Variants in WWOX observed in about 807,000 individuals in gnomAD.
WWOX encodes the protein WW domain containing oxidoreductase.
WWOX carries 69 observed loss-of-function variants against 46.2 expected under a neutral mutation model. That is an observed-to-expected ratio of 1.49 (90% CI 1.23 to 1.82). The LOEUF is 1.82. Among genes scored for constraint, WWOX ranks in the 40% most tolerant of loss-of-function variants. WWOX has a pLI of 0.00. For synonymous variants in WWOX, 359 were observed against 202.6 expected (o/e 1.77, Z -6.56); for missense variants, 919 against 542.6 (o/e 1.69, Z -6.89).
intron 8 of WWOX, among the ~76,000 whole-genome samples, chr16:79,132,325 T>C (rs2049896674): frequency 6.6e-6 from 1 of 152,244 alleles, no homozygotes; most frequent in Non-Finnish European, 1.5e-5. Context: ...GGCAAGATTT[T>C]GTTAGGTCCC....
chr16:79,127,126 A>AT (rs2049775218), intron 8 of WWOX, among the ~76,000 whole-genome samples: 1 of 152,176 alleles, frequency 6.6e-6, no homozygotes, highest in East Asian at 1.9e-4. Context: ...AAAGTAGAAG[A>AT]TAAAAACAAG....
intron 8 of WWOX, among the ~76,000 whole-genome samples, chr16:79,142,720 A>G (rs1022860134): frequency 1.4e-4 from 22 of 152,258 alleles, no homozygotes; most frequent in Non-Finnish European, 1.8e-4. Context: ...TCTTTTTGAG[A>G]TAGGGTCTCA....
At chr16:79,025,724 T>A (rs1275878239) in intron 8 of WWOX, among the ~76,000 whole-genome samples, 2 of 151,930 alleles carry the variant, frequency 1.3e-5, no homozygotes, top group South Asian at 2.1e-4. Context: ...CTTTAATGAT[T>A]TTCTCCATGG....
intron 8 of WWOX, among the ~76,000 whole-genome samples, chr16:78,779,438 C>G (rs140924574): frequency 1.2e-3 from 182 of 152,250 alleles, no homozygotes; most frequent in South Asian, 3.5e-3. Flanking sequence ...GTCCGGCCCC[C>G]CTTTCTTCTT....
intron 8 of WWOX, among the ~76,000 whole-genome samples, chr16:79,024,275 T>C (rs1597292117): frequency 6.6e-6 from 1 of 152,292 alleles, no homozygotes; most frequent in African/African-American, 2.4e-5. Context: ...TTTATTCTTT[T>C]AGGGACAGGG....
chr16:78,392,883 T>G (rs2082206513), intron 6 of WWOX, among the ~76,000 whole-genome samples: 1 of 152,168 alleles, frequency 6.6e-6, no homozygotes, highest in African/African-American at 2.4e-5. Context: ...ATTCATTGAT[T>G]CTGTTATTCT....
intron 5 of WWOX, among the ~76,000 whole-genome samples, chr16:78,373,585 G>C (rs1393031461): frequency 6.6e-6 from 1 of 151,870 alleles, no homozygotes; most frequent in African/African-American, 2.4e-5. Flanking sequence ...GTATTCTGAG[G>C]GACAGCTAGT....
At chr16:78,835,402 C>T (rs73577487) in intron 8 of WWOX, among the ~76,000 whole-genome samples, 1 of 152,128 alleles carries the variant, frequency 6.6e-6, no homozygotes, top group East Asian at 1.9e-4. Flanking sequence ...GGGCCAGCAA[C>T]AAAAATGACT....
chr16:78,654,959 T>C (rs2047048729), intron 8 of WWOX, among the ~76,000 whole-genome samples: 1 of 152,172 alleles, frequency 6.6e-6, no homozygotes. Flanking sequence ...TGATCATCTA[T>C]GTGACCACAT....
intron 8 of WWOX, among the ~76,000 whole-genome samples, chr16:78,928,047 T>C (rs557350674): frequency 6.6e-6 from 1 of 151,946 alleles, no homozygotes; most frequent in African/African-American, 2.4e-5. Context: ...ACAAAAAAAA[T>C]ATCATACTCT....
intron 8 of WWOX, among the ~76,000 whole-genome samples, chr16:78,812,466 A>G (rs760299248): frequency 6.6e-6 from 1 of 152,152 alleles, no homozygotes; most frequent in South Asian, 2.1e-4. Flanking sequence ...TCCTGCCTGT[A>G]ATCCTGACAC....
At chr16:78,728,221 C>T (rs1478718251) in intron 8 of WWOX, among the ~76,000 whole-genome samples, 2 of 151,616 alleles carry the variant, frequency 1.3e-5, no homozygotes, top group Non-Finnish European at 2.9e-5. Context: ...CATGCCACTA[C>T]ACCTAGTTGA....
intron 8 of WWOX, among the ~76,000 whole-genome samples, chr16:78,680,662 A>G (rs1019047415): frequency 6.6e-6 from 1 of 152,234 alleles, no homozygotes; most frequent in African/African-American, 2.4e-5. Context: ...CTCACACATT[A>G]CAAGTGCTAA....
chr16:78,367,528 G>A (rs917929992), intron 5 of WWOX, among the ~76,000 whole-genome samples: 2 of 152,084 alleles, frequency 1.3e-5, no homozygotes, highest in South Asian at 4.1e-4. Flanking sequence ...TGGACACCCT[G>A]GGAATAAAAC....
chr16:78,441,584 T>C (rs922685386), intron 8 of WWOX, among the ~76,000 whole-genome samples: 3 of 151,718 alleles, frequency 2.0e-5, no homozygotes, highest in African/African-American at 7.3e-5. Context: ...GAGAGAGAGG[T>C]GAGGCACAGG....
chr16:78,959,558 T>G (rs1395687786), intron 8 of WWOX, among the ~76,000 whole-genome samples: 1 of 152,174 alleles, frequency 6.6e-6, no homozygotes, highest in Non-Finnish European at 1.5e-5. Flanking sequence ...CATTCATCCA[T>G]CTATCCATCC....
chr16:78,974,000 C>G (rs1052794327), intron 8 of WWOX, among the ~76,000 whole-genome samples: 1 of 152,204 alleles, frequency 6.6e-6, no homozygotes, highest in Non-Finnish European at 1.5e-5. Context: ...TTTCTTTTCC[C>G]TAGCACAAAA....
chr16:78,154,191 C>G (rs932982350), intron 4 of WWOX, among the ~76,000 whole-genome samples: 1 of 152,060 alleles, frequency 6.6e-6, no homozygotes, highest in African/African-American at 2.4e-5. Context: ...TTTTTGCTTC[C>G]TACATGATTT....
chr16:78,530,014 T>G (rs1467742726), intron 8 of WWOX, among the ~76,000 whole-genome samples: 1 of 152,120 alleles, frequency 6.6e-6, no homozygotes, highest in Non-Finnish European at 1.5e-5. Context: ...AGCTGGCTGC[T>G]TTGGTGCCAG....
Sources: gnomAD v4.1 joint callset for allele counts (sites outside exome capture counted in the v4.1 genomes callset) on GRCh38, gnomAD v4.1.1 for gene constraint, MANE v1.5 for transcripts, NCBI Gene and HGNC (gene_info 2026-07-23, HGNC 2026-07-21) for gene names.